Variants in CAMKMT observed in about 807,000 individuals in gnomAD.
CAMKMT encodes the protein CaM KMT.
A neutral mutation model predicts 48.0 loss-of-function variants in CAMKMT; 53 were observed. The observed-to-expected ratio is 1.10, with a 90% CI of 0.89 to 1.39. CAMKMT has a LOEUF of 1.39. CAMKMT is among the 40% of genes most tolerant of loss of function. The probability of loss-of-function intolerance (pLI) is 0.00; values close to 1 mark genes in which losing one functional copy is unlikely to be tolerated. For missense variants in CAMKMT, 428 were observed against 402.7 expected, an observed-to-expected ratio of 1.06 and a Z score of -0.54; for synonymous variants, 165 against 152.3, an observed-to-expected ratio of 1.08 and a Z score of -0.61.
chr2:44,687,014 T>C (rs1446016564), intron 3 of CAMKMT, among the ~76,000 whole-genome samples: 1 of 152,236 alleles, frequency 6.6e-6, no homozygotes, highest in African/African-American at 2.4e-5. Context: ...TACTGTAAAA[T>C]TAGAGGCTGT....
rs188895976 is a variant in CAMKMT, at chr2:44,400,027, G to C, written c.376+9722G>C. On this transcript the variant is annotated intron_variant, in intron 3 of 10. Coordinates refer to ENST00000378494, the MANE Select transcript of CAMKMT (RefSeq NM_024766.5). ...ATTTATAACTCTTTATCCCAGCATAGTACCTTTCACAAAGCCTGACCCAAG... is the reference window on the plus strand; with the variant it reads ...ATTTATAACTCTTTATCCCAGCATACTACCTTTCACAAAGCCTGACCCAAG... Among the ~76,000 whole-genome samples the C allele has an allele frequency of 7.2e-5, 11 of 152,284 alleles. No homozygotes were observed. The East Asian group carries it at 2.1e-3, about 29-fold the overall frequency.
chr2:44,631,673 T>C (rs1237944685), intron 3 of CAMKMT: 3 of 412,182 alleles, frequency 7.3e-6, no homozygotes, highest in Non-Finnish European at 1.3e-5. Flanking sequence ...GTTTTTCTTT[T>C]TAATTGTACT....
chr2:44,372,797 A>T lies in CAMKMT; in HGVS notation c.220A>T (p.Thr74Ser), dbSNP rs755885768. 81 of 1,613,894 alleles carry T rather than the reference A, an allele frequency of 5.0e-5. No individual in the cohort carries two copies. The highest frequency in any genetic ancestry group is 6.4e-5 in the Non-Finnish European group (75 of 1,179,950). Reference sequence around the variant, plus strand: ...TGAATCATTTAATCTGTTTTCAGTAACAGAAGGCAAAGAAAGGGAAACTGA... The same window carrying T: ...TGAATCATTTAATCTGTTTTCAGTATCAGAAGGCAAAGAAAGGGAAACTGA... ...RFESFNLFSV[T>S]EGKERETEEE... is the part of the protein sequence containing the mutation. Residue 74 changes from threonine (T) to serine (S), a missense_variant, in exon 2 of 11, where the codon ACA (threonine) becomes TCA (serine). Coordinates refer to ENST00000378494, the MANE Select transcript of CAMKMT (RefSeq NM_024766.5).
intron 3 of CAMKMT, among the ~76,000 whole-genome samples, chr2:44,574,262 CT>C (rs1669082701): frequency 6.6e-6 from 1 of 152,140 alleles, no homozygotes; most frequent in Admixed American, 6.5e-5. Flanking sequence ...GGCCCAGTGC[CT>C]TTATTGGGGT....
At chr2:44,500,502 GA>G (rs994059156) in intron 3 of CAMKMT, among the ~76,000 whole-genome samples, 1 of 151,436 alleles carries the variant, frequency 6.6e-6, no homozygotes, top group Non-Finnish European at 1.5e-5. Flanking sequence ...ATTATTGTAG[GA>G]AAAAAACAAG....
At position 44,526,639 on chromosome 2, in the gene CAMKMT, A is replaced by T. The variant is rs188020641; in HGVS notation, c.376+136334A>T. 1.8e-3 allele frequency among the ~76,000 whole-genome samples: 276 copies of T among 152,102 alleles called. 2 individuals carry two copies. The highest frequency in any genetic ancestry group is 6.5e-3 in the African/African-American group (270 of 41,478). ...GCTCAGGTAGAGAGAGAGCAAATTC[A>T]CCCATCCTTTGTCTTTTCCCTCTGT... On this transcript the variant is annotated intron_variant, in intron 3 of 10. Transcript: ENST00000378494.
intron 1 of CAMKMT, among the ~76,000 whole-genome samples, chr2:44,367,662 T>C (rs1421214014): frequency 6.6e-6 from 1 of 152,122 alleles, no homozygotes; most frequent in African/African-American, 2.4e-5. Flanking sequence ...CAGGCAGATA[T>C]AAGACTAGCT....
At chr2:44,692,236 G>C (rs1442734183) in intron 3 of CAMKMT, among the ~76,000 whole-genome samples, 1 of 151,750 alleles carries the variant, frequency 6.6e-6, no homozygotes, top group East Asian at 1.9e-4. Flanking sequence ...AATAGCAGCA[G>C]CATCATTTCT....
At chr2:44,687,710 G>T (rs932612952) in intron 3 of CAMKMT, among the ~76,000 whole-genome samples, 1 of 152,230 alleles carries the variant, frequency 6.6e-6, no homozygotes, top group Middle Eastern at 3.2e-3. Context: ...CCAGGGATTG[G>T]TTTTGAGCGA....
intron 3 of CAMKMT, among the ~76,000 whole-genome samples, chr2:44,546,154 G>GACACACACACACACACACACACACAC (rs4039614): frequency 2.3e-5 from 3 of 129,084 alleles, no homozygotes; most frequent in African/African-American, 6.3e-5. Context: ...AGACTGCTAG[G>GACACACACACACACACACACACACAC]ACACACACAC....
At chr2:44,426,126 A>G (rs982951377) in intron 3 of CAMKMT, among the ~76,000 whole-genome samples, 2 of 152,254 alleles carry the variant, frequency 1.3e-5, no homozygotes, top group Admixed American at 6.5e-5. Flanking sequence ...TACTTTATAC[A>G]AATAATTAGA....
intron 3 of CAMKMT, among the ~76,000 whole-genome samples, chr2:44,507,882 A>T (rs1014707334): frequency 3.3e-5 from 5 of 152,214 alleles, no homozygotes; most frequent in Non-Finnish European, 7.3e-5. Flanking sequence ...ATTCTGATGC[A>T]AGAAACTTAC....
intron 2 of CAMKMT, among the ~76,000 whole-genome samples, chr2:44,376,437 A>G (rs1314408552): frequency 1.2e-4 from 18 of 149,814 alleles, no homozygotes; most frequent in Non-Finnish European, 2.5e-4. Context: ...AAAAAAAAAA[A>G]TAGACACTGG....
chr2:44,365,812 C>T (rs1678532601), intron 1 of CAMKMT, among the ~76,000 whole-genome samples: 1 of 152,232 alleles, frequency 6.6e-6, no homozygotes. Flanking sequence ...CACGTATTTA[C>T]AAACCACCTA....
chr2:44,501,860 G>A (rs1670022814), intron 3 of CAMKMT, among the ~76,000 whole-genome samples: 1 of 151,852 alleles, frequency 6.6e-6, no homozygotes, highest in Non-Finnish European at 1.5e-5. Context: ...TTCCAACCTG[G>A]GCAATAGAGT....
At chr2:44,513,122 C>G (rs1354089583) in intron 3 of CAMKMT, among the ~76,000 whole-genome samples, 1 of 152,104 alleles carries the variant, frequency 6.6e-6, no homozygotes, top group African/African-American at 2.4e-5. Flanking sequence ...AGCTATTGAT[C>G]ACAATTTCCA....
chr2:44,440,680 G>C (rs1666598034), intron 3 of CAMKMT, among the ~76,000 whole-genome samples: 1 of 152,060 alleles, frequency 6.6e-6, no homozygotes, highest in African/African-American at 2.4e-5. Context: ...TATTGGACAG[G>C]AATGATATAG....
At chr2:44,714,896 G>T (rs1018079829) in intron 6 of CAMKMT, among the ~76,000 whole-genome samples, 3 of 152,134 alleles carry the variant, frequency 2.0e-5, no homozygotes, top group African/African-American at 7.2e-5. Flanking sequence ...CTCATCCCAT[G>T]TATGATAAAA....
intron 3 of CAMKMT, among the ~76,000 whole-genome samples, chr2:44,527,354 AATAT>A: frequency 7.0e-6 from 1 of 143,420 alleles, no homozygotes; most frequent in East Asian, 2.0e-4. Flanking sequence ...ATACATATAT[AATAT>A]ATATACGTAT....
Sources: gnomAD v4.1 joint callset for allele counts (sites outside exome capture counted in the v4.1 genomes callset) on GRCh38, gnomAD v4.1.1 for gene constraint, MANE v1.5 for transcripts, NCBI Gene and HGNC (gene_info 2026-07-23, HGNC 2026-07-21) for gene names.